Variants in UBQLN1 observed in about 807,000 individuals in gnomAD.
UBQLN1 encodes the protein ubiquilin-1.
UBQLN1 carries 13 observed loss-of-function variants against 65.4 expected under a neutral mutation model. The ratio of observed to expected loss-of-function variants is 0.20; its 90% CI spans 0.13 to 0.32. UBQLN1 has a LOEUF of 0.32. Ranked by LOEUF, UBQLN1 falls within the 10% of genes least tolerant of loss-of-function variation. UBQLN1 has a pLI of 1.00. For synonymous variants in UBQLN1, 267 were observed against 247.8 expected (o/e 1.08, Z -0.73); for missense variants, 561 against 724.0 (o/e 0.77, Z 2.58).
Position 83,661,768 on chromosome 9 carries a change from T to C in UBQLN1, c.*19A>G. 1 of 1,567,136 alleles carries C rather than the reference T, an allele frequency of 6.4e-7. No homozygotes were observed. Among genetic ancestry groups the C allele is most frequent in the Non-Finnish European group, 8.6e-7 (1 of 1,158,180 alleles). On this transcript the variant is annotated 3_prime_UTR_variant, in exon 11 of 11. Coordinates refer to ENST00000376395, the MANE Select transcript of UBQLN1 (RefSeq NM_013438.5). Reference sequence around the variant, plus strand: ...GTTATCAAAAATAAATTACATTTTTTCAAGATACAGAAATGCTGCTATGAT... The same window carrying C: ...GTTATCAAAAATAAATTACATTTTTCCAAGATACAGAAATGCTGCTATGAT...
intron 8 of UBQLN1, among the ~76,000 whole-genome samples, chr9:83,665,686 CAAGG>C (rs1398472497): frequency 3.9e-5 from 6 of 152,294 alleles, no homozygotes; most frequent in South Asian, 2.1e-4. Flanking sequence ...TACAATAGAT[CAAGG>C]ACACCAACCT....
chr9:83,697,900 C>G (rs1832246732), intron 1 of UBQLN1, among the ~76,000 whole-genome samples: 1 of 152,010 alleles, frequency 6.6e-6, no homozygotes, highest in Non-Finnish European at 1.5e-5. Context: ...CCACACCTGG[C>G]AAATCTTGTA....
intron 4 of UBQLN1, 58 bp downstream of exon 4, chr9:83,679,717 A>T (rs1256355198): frequency 6.4e-7 from 1 of 1,561,044 alleles, no homozygotes; most frequent in African/African-American, 1.4e-5. Flanking sequence ...ACCACAGAAA[A>T]TTAAATAACA....
In UBQLN1 at chr9:83,683,009, T is replaced by C. The variant is rs1405650152; in HGVS notation, c.390A>G (p.Ser130=). Residue 130 remains serine, a synonymous_variant, in exon 3 of 11, where the codon TCA becomes TCG. Transcript: ENST00000376395. ...ATGTAGAGTTACTATTAGGAGTTGATGATGTAGTAACATTGCTTCCAGCTG... is the reference window on the plus strand; with the variant it reads ...ATGTAGAGTTACTATTAGGAGTTGACGATGTAGTAACATTGCTTCCAGCTG... ...TNTAGSNVTT[S]STPNSNSTSG... is the part of the protein sequence containing the mutation. The C allele has an allele frequency of 1.2e-6, 2 of 1,612,648 alleles. No homozygotes were observed. Among genetic ancestry groups the C allele is most frequent in the South Asian group, 2.2e-5 (2 of 91,006 alleles).
intron 7 of UBQLN1, chr9:83,667,909 C>T (rs1831667874): frequency 4.1e-6 from 4 of 974,882 alleles, no homozygotes; most frequent in Non-Finnish European, 4.9e-6. Context: ...GTACTAGCAA[C>T]ATTTTGTTTT....
intron 1 of UBQLN1, among the ~76,000 whole-genome samples, chr9:83,703,361 A>G (rs2131191154): frequency 6.6e-6 from 1 of 152,284 alleles, no homozygotes; most frequent in South Asian, 2.1e-4. Flanking sequence ...CTGATGGTTC[A>G]ATGTATACAG....
chr9:83,682,569 C>G (rs538303660), intron 3 of UBQLN1, among the ~76,000 whole-genome samples: 1 of 152,250 alleles, frequency 6.6e-6, no homozygotes, highest in African/African-American at 2.4e-5. Context: ...GACCCCCTTC[C>G]ATGTGTTCAG....
At position 83,680,014 on chromosome 9, in the gene UBQLN1, G is replaced by A; in HGVS notation, c.472C>T (p.Leu158=). 1 of 1,613,254 alleles carries A rather than the reference G, an allele frequency of 6.2e-7. No homozygotes were observed. Among genetic ancestry groups the A allele is most frequent in the South Asian group, 1.1e-5 (1 of 91,050 alleles). Residue 158 remains leucine (L), a synonymous_variant, in exon 4 of 11, where the codon CTG becomes TTG. Transcript: ENST00000376395. ...GTAGTATTCAAACCCAAGCTACTCA[G>A]ACCTGCAAGTCCCCCAAGGCCACCT... is the stretch of plus-strand genomic sequence containing the variant. ...GLGGLGGLAG[L]SSLGLNTTNF...
intron 7 of UBQLN1, chr9:83,667,553 C>CAGTA (rs1171319928): frequency 2.0e-6 from 2 of 985,306 alleles, no homozygotes; most frequent in Non-Finnish European, 2.4e-6. Flanking sequence ...AGTAAGTTCA[C>CAGTA]AGTAAGTAAA....
chr9:83,701,003 G>A (rs1296110780), intron 1 of UBQLN1, among the ~76,000 whole-genome samples: 1 of 152,124 alleles, frequency 6.6e-6, no homozygotes, highest in African/African-American at 2.4e-5. Flanking sequence ...CAGTTTCTAG[G>A]CAAGAGGTAA....
chr9:83,691,796 G>C (rs952031121), intron 1 of UBQLN1, among the ~76,000 whole-genome samples: 2 of 152,172 alleles, frequency 1.3e-5, no homozygotes, highest in Admixed American at 6.5e-5. Flanking sequence ...GGAACTCTTG[G>C]TTCTGGAGGG....
chr9:83,668,147 C>A, intron 7 of UBQLN1: 1 of 985,288 alleles, frequency 1.0e-6, no homozygotes, highest in Middle Eastern at 5.2e-4. Context: ...ATAAAATGTA[C>A]CTCCAATATA....
intron 1 of UBQLN1, among the ~76,000 whole-genome samples, chr9:83,695,201 C>CT (rs36072668): frequency 0.02 from 2,674 of 133,404 alleles, 78 homozygotes; most frequent in East Asian, 0.055. Flanking sequence ...GCCCTCCCAC[C>CT]TTTTTTTTTT....
intron 1 of UBQLN1, among the ~76,000 whole-genome samples, chr9:83,692,990 A>G (rs1224019623): frequency 6.6e-6 from 1 of 152,248 alleles, no homozygotes; most frequent in African/African-American, 2.4e-5. Flanking sequence ...CTATGTGGTC[A>G]CTATTAACTC....
intron 1 of UBQLN1, among the ~76,000 whole-genome samples, chr9:83,697,193 A>C (rs1564172207): frequency 6.6e-6 from 1 of 151,658 alleles, no homozygotes; most frequent in African/African-American, 2.4e-5. Context: ...TCTACTACTT[A>C]ATATGTGTAT....
In UBQLN1 at chr9:83,707,575, T is replaced by G. The variant is rs1340318186; in HGVS notation, c.105A>C (p.Lys35Asn). 2 of 1,608,800 alleles carry G rather than the reference T, an allele frequency of 1.2e-6. No homozygotes were observed. The highest frequency in any genetic ancestry group is 1.7e-6 in the Non-Finnish European group (2 of 1,177,982). ...APAAAASAEPKIMKVTVKTPK... is the reference protein window; with the variant it reads ...APAAAASAEPNIMKVTVKTPK... ...GGGTCTTCACGGTGACTTTCATGAT[T>G]TTGGGCTCCGCGGAGGCAGCGGCCG... is the stretch of plus-strand genomic sequence containing the variant. Residue 35 changes from lysine (K) to asparagine (N), a missense_variant, in exon 1 of 11, where the codon AAA (lysine) becomes AAC (asparagine). Coordinates refer to ENST00000376395, the MANE Select transcript of UBQLN1 (RefSeq NM_013438.5).
chr9:83,698,338 T>C (rs1587662925), intron 1 of UBQLN1, among the ~76,000 whole-genome samples: 1 of 152,208 alleles, frequency 6.6e-6, no homozygotes, highest in African/African-American at 2.4e-5. Context: ...AGTCACTAGC[T>C]ACATATGGCT....
At chr9:83,698,977 A>G (rs1312028625) in intron 1 of UBQLN1, among the ~76,000 whole-genome samples, 2 of 152,180 alleles carry the variant, frequency 1.3e-5, no homozygotes, top group African/African-American at 4.8e-5. Flanking sequence ...TGGACGTTAT[A>G]CTAAGGGAAA....
intron 8 of UBQLN1, 52 bp downstream of exon 8, chr9:83,666,298 A>T: frequency 6.3e-7 from 1 of 1,578,516 alleles, no homozygotes. Flanking sequence ...TTATCATCAA[A>T]TTTTTTCAAG....
Sources: gnomAD v4.1 joint callset for allele counts (sites outside exome capture counted in the v4.1 genomes callset) on GRCh38, gnomAD v4.1.1 for gene constraint, MANE v1.5 for transcripts, NCBI Gene and HGNC (gene_info 2026-07-23, HGNC 2026-07-21) for gene names.